Variants in ADCY6 observed in about 807,000 individuals in gnomAD.
ADCY6 encodes the protein adenylate cyclase 6.
Under a neutral mutation model 111.6 loss-of-function variants are expected in ADCY6, and 59 were observed. The ratio of observed to expected loss-of-function variants is 0.53; its 90% CI spans 0.43 to 0.66. The LOEUF is 0.66. Among genes scored for constraint, ADCY6 ranks in the 30% least tolerant of loss-of-function variants. The pLI is 0.00. For missense variants in ADCY6, 1,242 were observed against 1,595.6 expected (o/e 0.78, Z 3.78); for synonymous variants, 576 against 642.9 (o/e 0.90, Z 1.57).
At chr12:48,773,356 G>A (rs1024472546) in intron 16 of ADCY6, 113 bp downstream of exon 16, 1 of 1,212,914 alleles carries the variant, frequency 8.2e-7, no homozygotes, top group Non-Finnish European at 1.1e-6. Flanking sequence ...TTCCCCCACA[G>A]GGGTGTTGTG....
chr12:48,777,264 CT>C lies in ADCY6; in HGVS notation c.1249-34del. On this transcript the variant is annotated intron_variant, in intron 5 of 21. Coordinates refer to ENST00000357869, the MANE Select transcript of ADCY6 (RefSeq NM_015270.5). This position sits in a 1 kb window ranked among gnomAD's most constrained non-coding sequence, Gnocchi z 4.9. ...GGAAGGAATTGGAGGGAAGGGTAACCTTTACTCTCTTGCCCACCCAGCCTGC... is the reference window on the plus strand; with the variant it reads ...GGAAGGAATTGGAGGGAAGGGTAACCTTACTCTCTTGCCCACCCAGCCTGC... 1.2e-6 allele frequency: 2 copies of C among 1,602,194 alleles called. No homozygotes were observed. Among genetic ancestry groups the C allele is most frequent in the Non-Finnish European group, 1.7e-6 (2 of 1,174,058 alleles).
chr12:48,777,315 C>T lies in ADCY6; in HGVS notation c.1249-84G>A, dbSNP rs1941730566. 4 of 1,596,022 alleles carry T rather than the reference C, an allele frequency of 2.5e-6. No homozygotes were observed. The highest frequency in any genetic ancestry group is 1.7e-4 in the Middle Eastern group (1 of 6,018). On this transcript the variant is annotated intron_variant, in intron 5 of 21. Coordinates refer to ENST00000357869, the MANE Select transcript of ADCY6 (RefSeq NM_015270.5). The surrounding 1 kb of genome is among the most constrained non-coding windows in gnomAD (Gnocchi z 4.9). ...CATGGCCCACCACCCTCCACGCATA[C>T]TCTATCTGCCCTCAAATCCCCAGCT...
chr12:48,783,476 C>T (rs1482720925), intron 1 of ADCY6, 38 bp from the exon 2 acceptor site: 2 of 1,613,160 alleles, frequency 1.2e-6, no homozygotes, highest in Non-Finnish European at 1.7e-6. Flanking sequence ...AGAGACCATC[C>T]AGTAGGAGTG....
In ADCY6 at chr12:48,782,713, C is replaced by A; in HGVS notation, c.722G>T (p.Cys241Phe). 6.3e-7 allele frequency: 1 copy of A among 1,592,778 alleles called. No individual in the cohort carries two copies. The highest frequency in any genetic ancestry group is 8.6e-7 in the Non-Finnish European group (1 of 1,168,936). Residue 241 changes from cysteine to phenylalanine, a missense_variant, in exon 2 of 22, where the codon TGC becomes TTC. Transcript: ENST00000357869. The surrounding 1 kb of genome is among the most constrained non-coding windows in gnomAD (Gnocchi z 4.3). The part of the protein sequence containing the change: ...DPRSPSAGLW[C>F]PVFFVYIAYT... ...GGCGATGTAGACAAAGAACACAGGG[C>A]ACCAGAGGCCCGCAGAGGGGCTGCG...
Position 48,777,418 on chromosome 12 carries a change from GC to G in ADCY6, c.1239del (p.Lys413AsnfsTer9). The G allele has an allele frequency of 6.2e-7, 1 of 1,614,196 alleles. No homozygotes were observed. Among genetic ancestry groups the G allele is most frequent in the Non-Finnish European group, 8.5e-7 (1 of 1,180,022 alleles). On this transcript the variant is annotated frameshift_variant, in exon 5 of 22. Transcript: ENST00000357869. LOFTEE classifies it high-confidence loss of function. This position sits in a 1 kb window ranked among gnomAD's most constrained non-coding sequence, Gnocchi z 4.9. ...TLNELFARFD[K>X]LAAENHCLRI... The stretch of plus-strand genomic sequence containing the variant: ...AGGCCCAGCACCCTCACCGCAGCCA[GC>G]TTGTCAAACCGGGCAAAGAGCTCAT...
rs1200774947 is a variant in ADCY6 at position 48,781,199 on chromosome 12, CA to C, written c.864+1371del. On this transcript the variant is annotated intron_variant, in intron 2 of 21. Transcript: ENST00000357869. ...CTAACGACAGAGCAAGACTCCGTCT[CA>C]AAAAAAAAAAAAAACCACAAAAAAA... Among the ~76,000 whole-genome samples the C allele has an allele frequency of 2.1e-3, 219 of 102,586 alleles. 1 individual carries two copies. The highest frequency in any genetic ancestry group is 4.9e-3 in the Middle Eastern group (1 of 206). 67.3% of individuals were successfully genotyped at this position (102,586 alleles called of 152,430 possible).
At chr12:48,788,058 C>T (rs1279457879) in intron 1 of ADCY6, among the ~76,000 whole-genome samples, 1 of 152,190 alleles carries the variant, frequency 6.6e-6, no homozygotes, top group East Asian at 1.9e-4. Context: ...AGAGGCACTG[C>T]CCAGGCGGGG....
chr12:48,775,118 CA>C (rs1813319663), intron 11 of ADCY6, 64 bp from the exon 12 acceptor site: 5 of 1,476,228 alleles, frequency 3.4e-6, no homozygotes, highest in Non-Finnish European at 3.7e-6. Flanking sequence ...ACAGCAAGGA[CA>C]GGGCACTACC....
Position 48,777,691 on chromosome 12 carries a change from T to C in ADCY6, c.1060A>G (p.Met354Val). Residue 354 changes from methionine to valine, a missense_variant, in exon 4 of 22, where the codon ATG becomes GTG. Met to Val is a conservative substitution (Grantham distance 21). Coordinates refer to ENST00000357869, the MANE Select transcript of ADCY6 (RefSeq NM_015270.5). The surrounding 1 kb of genome is among the most constrained non-coding windows in gnomAD (Gnocchi z 4.9). ...TTTTTTGTGTTGATGTCTTCTTTCA[T>C]CTCCATGGCAACGTGCTGGGGCAAT... ...SVLPQHVAME[M>V]KEDINTKKED... The C allele has an allele frequency of 6.2e-7, 1 of 1,614,212 alleles. No individual in the cohort carries two copies. Among genetic ancestry groups the C allele is most frequent in the Non-Finnish European group, 8.5e-7 (1 of 1,180,050 alleles).
chr12:48,774,245 GGGAGAACAAGGAA>G, intron 14 of ADCY6, 144 bp downstream of exon 14: 2 of 1,066,336 alleles, frequency 1.9e-6, no homozygotes, highest in Non-Finnish European at 1.4e-6. Context: ...ACAAGAGGTT[GGGAGAACAAGGAA>G]GGAGAACCGG....
intron 1 of ADCY6, 175 bp from the exon 2 acceptor site, chr12:48,783,613 T>TCCC: frequency 7.0e-7 from 1 of 1,420,162 alleles, no homozygotes; most frequent in Non-Finnish European, 9.2e-7. Context: ...GTATCCCCAA[T>TCCC]CAACAGGTGA....
chr12:48,770,005 C>T (rs1592153569), intron 20 of ADCY6, among the ~76,000 whole-genome samples: 2 of 151,932 alleles, frequency 1.3e-5, no homozygotes, highest in Admixed American at 1.3e-4. Context: ...TCGTGATCCG[C>T]CTGCCTCGGA....
At chr12:48,784,315 G>GAAATAAAATA (rs201262016) in intron 1 of ADCY6, among the ~76,000 whole-genome samples, 16 of 126,604 alleles carry the variant, frequency 1.3e-4, no homozygotes, top group African/African-American at 4.1e-4. Flanking sequence ...GGAAGGGAGG[G>GAAATAAAATA]AAATAAAATA....
chr12:48,777,294 G>C lies in ADCY6; in HGVS notation c.1249-63C>G. The C allele has an allele frequency of 6.3e-7, 1 of 1,593,580 alleles. No homozygotes were observed. The highest frequency in any genetic ancestry group is 1.7e-5 in the Admixed American group (1 of 59,346). On this transcript the variant is annotated intron_variant, in intron 5 of 21. Coordinates refer to ENST00000357869, the MANE Select transcript of ADCY6 (RefSeq NM_015270.5). This position sits in a 1 kb window ranked among gnomAD's most constrained non-coding sequence, Gnocchi z 4.9. Reference sequence around the variant, plus strand: ...CTCTCTTGCCCACCCAGCCTGCATGGCCCACCACCCTCCACGCATACTCTA... The same window carrying C: ...CTCTCTTGCCCACCCAGCCTGCATGCCCCACCACCCTCCACGCATACTCTA...
In ADCY6 at chr12:48,774,487, C is replaced by T. The variant is rs778820517; in HGVS notation, c.2198G>A (p.Arg733His). Residue 733 changes from arginine to histidine, a missense_variant, in exon 14 of 22, where the codon CGC (arginine) becomes CAC (histidine). This residue lies in a region of ADCY6 where 375 missense variants were observed against 432.5 expected (regional missense o/e 0.87). Transcript: ENST00000357869. ...ATGTGCCCGTGAGCGGACAATGCTG[C>T]GGGACAGACGTTGCAGGGCCTTAGG... ...LFPKALQRLS[R>H]SIVRSRAHST... The T allele has an allele frequency of 1.4e-5, 23 of 1,613,796 alleles. No individual in the cohort carries two copies. The highest frequency in any genetic ancestry group is 3.3e-4 in the Middle Eastern group (2 of 6,082).
chr12:48,785,497 T>C (rs1941964544), intron 1 of ADCY6, among the ~76,000 whole-genome samples: 1 of 152,142 alleles, frequency 6.6e-6, no homozygotes, highest in Non-Finnish European at 1.5e-5. Context: ...CGCATGCCTG[T>C]AATCCCAGCT....
chr12:48,777,307 C>T lies in ADCY6; in HGVS notation c.1249-76G>A. 2 of 1,593,388 alleles carry T rather than the reference C, an allele frequency of 1.3e-6. No homozygotes were observed. The highest frequency in any genetic ancestry group is 8.6e-7 in the Non-Finnish European group (1 of 1,168,656). ...CCAGCCTGCATGGCCCACCACCCTCCACGCATACTCTATCTGCCCTCAAAT... is the reference window on the plus strand; with the variant it reads ...CCAGCCTGCATGGCCCACCACCCTCTACGCATACTCTATCTGCCCTCAAAT... On this transcript the variant is annotated intron_variant, in intron 5 of 21. Transcript: ENST00000357869. The surrounding 1 kb of genome is among the most constrained non-coding windows in gnomAD (Gnocchi z 4.9).
rs779716862 is a variant in ADCY6, at chr12:48,774,058, C to T, written c.2324G>A (p.Arg775Gln). The T allele has an allele frequency of 9.9e-6, 16 of 1,611,868 alleles. No individual in the cohort carries two copies. The highest frequency in any genetic ancestry group is 6.7e-5 in the East Asian group (3 of 44,844). The change falls in exon 15 of 22, where the codon CGG (arginine) becomes CAG (glutamine). Residue 775 changes from arginine to glutamine, a missense_variant. This residue lies in a region of ADCY6 where 375 missense variants were observed against 432.5 expected (regional missense o/e 0.87). Transcript: ENST00000357869. ...GTCAGCAGGTGTTAAATTCAGCATCCGGGCTGCACAGCTCCGTATGGGGGT... is the reference window on the plus strand; with the variant it reads ...GTCAGCAGGTGTTAAATTCAGCATCTGGGCTGCACAGCTCCGTATGGGGGT... Reference protein sequence around the residue: ...NHTPIRSCAARMLNLTPADIT... With the variant: ...NHTPIRSCAAQMLNLTPADIT...
In ADCY6 at chr12:48,770,986, A is replaced by G; in HGVS notation, c.3052-16T>C. ...CGCTGATAATCTGAACAACACAAGG[A>G]GACCTGGCTGTCAAGGCAAAGACCC... On this transcript the variant is annotated splice_polypyrimidine_tract_variant and intron_variant, in intron 19 of 21. Coordinates refer to ENST00000357869, the MANE Select transcript of ADCY6 (RefSeq NM_015270.5). 6.2e-7 allele frequency: 1 copy of G among 1,609,626 alleles called. No homozygotes were observed. Among genetic ancestry groups the G allele is most frequent in the Non-Finnish European group, 8.5e-7 (1 of 1,176,546 alleles).
Sources: allele counts gnomAD v4.1 joint callset (sites outside exome capture counted in the v4.1 genomes callset), GRCh38; gene constraint gnomAD v4.1.1; regional missense constraint gnomAD v4.1.1; non-coding constraint Gnocchi (gnomAD v3.1); transcripts MANE v1.5; gene names NCBI Gene and HGNC (gene_info 2026-07-23, HGNC 2026-07-21).